PRKG1: variants seen among roughly 807,000 people sequenced by gnomAD.
PRKG1 encodes the protein protein kinase cGMP-dependent 1.
Under a neutral mutation model 88.1 loss-of-function variants are expected in PRKG1, and 35 were observed. The ratio of observed to expected loss-of-function variants is 0.40; its 90% CI spans 0.30 to 0.53. PRKG1 has a LOEUF of 0.53. Ranked by LOEUF, PRKG1 falls within the 20% of genes least tolerant of loss-of-function variation. PRKG1 has a pLI of 0.59. For synonymous variants in PRKG1, 303 were observed against 292.5 expected, an observed-to-expected ratio of 1.04 and a Z score of -0.37; for missense variants, 540 against 839.8, an observed-to-expected ratio of 0.64 and a Z score of 4.41.
In PRKG1 at chr10:50,991,265, C is replaced by G; in HGVS notation, c.-114C>G. On this transcript the variant is annotated 5_prime_UTR_variant, in exon 1 of 18. Transcript: ENST00000401604. The surrounding 1 kb of genome is among the most constrained non-coding windows in gnomAD (Gnocchi z 4.5). ...TCCGCCGCGCTCGAGTACTTAGCGC[C>G]CATTCACTCGCTCACCCGCGCTCTC... is the stretch of plus-strand genomic sequence containing the variant. 2 of 1,404,462 alleles carry G rather than the reference C, an allele frequency of 1.4e-6. No homozygotes were observed. The highest frequency in any genetic ancestry group is 1.9e-6 in the Non-Finnish European group (2 of 1,066,106). 87.0% of individuals were successfully genotyped at this position (1,404,462 alleles called of 1,614,324 possible).
intron 7 of PRKG1, among the ~76,000 whole-genome samples, chr10:52,111,744 G>T (rs539728275): frequency 6.6e-6 from 1 of 152,294 alleles, no homozygotes; most frequent in South Asian, 2.1e-4. Context: ...TTTGTGGAGG[G>T]TTGTTGGTAG....
intron 2 of PRKG1, among the ~76,000 whole-genome samples, chr10:51,289,834 A>G (rs1209092022): frequency 1.3e-5 from 2 of 152,136 alleles, no homozygotes; most frequent in Admixed American, 6.6e-5. Context: ...TTTGAGAAAC[A>G]CAAGTCTAGA....
intron 8 of PRKG1, 43 bp from the exon 9 acceptor site, chr10:52,161,846 T>A: frequency 6.4e-7 from 1 of 1,568,662 alleles, no homozygotes; most frequent in Non-Finnish European, 8.8e-7. Flanking sequence ...CCATTGCTAC[T>A]ATTTTGTAGA....
At chr10:51,063,788 TATA>T (rs1199047427) in intron 1 of PRKG1, among the ~76,000 whole-genome samples, 2 of 152,178 alleles carry the variant, frequency 1.3e-5, no homozygotes, top group Admixed American at 6.5e-5. Flanking sequence ...CTGTTATTTT[TATA>T]ATGATTGTGT....
At chr10:51,704,244 G>GATAGATAGATAGAT (rs1841548374) in intron 3 of PRKG1, among the ~76,000 whole-genome samples, 1 of 151,268 alleles carries the variant, frequency 6.6e-6, no homozygotes, top group African/African-American at 2.4e-5. Context: ...TAGACAGACA[G>GATAGATAGATAGAT]ACAGACAGAT....
intron 9 of PRKG1, among the ~76,000 whole-genome samples, chr10:52,197,898 C>A (rs1429860455): frequency 6.6e-6 from 1 of 152,108 alleles, no homozygotes; most frequent in African/African-American, 2.4e-5. Flanking sequence ...TTTAATATGC[C>A]TTTTCTGGTC....
intron 2 of PRKG1, among the ~76,000 whole-genome samples, chr10:51,437,142 G>A (rs1395233599): frequency 6.6e-6 from 1 of 151,984 alleles, no homozygotes; most frequent in Admixed American, 6.6e-5. Context: ...AACTAGGAGA[G>A]ATAATTTTTC....
chr10:51,370,047 T>C (rs1411595123), intron 2 of PRKG1, among the ~76,000 whole-genome samples: 1 of 152,054 alleles, frequency 6.6e-6, no homozygotes, highest in Non-Finnish European at 1.5e-5. Flanking sequence ...ATTTTGATGA[T>C]GAGATGAGTA....
intron 2 of PRKG1, among the ~76,000 whole-genome samples, chr10:51,356,657 C>T (rs1216606900): frequency 2.0e-5 from 3 of 151,982 alleles, no homozygotes; most frequent in Admixed American, 1.3e-4. Flanking sequence ...GTAGCCTCTT[C>T]TGTTGACATT....
intron 2 of PRKG1, among the ~76,000 whole-genome samples, chr10:51,221,440 C>G (rs1838527300): frequency 6.6e-6 from 1 of 152,004 alleles, no homozygotes; most frequent in Admixed American, 6.5e-5. Flanking sequence ...TTCTAAATCT[C>G]TCTTTGTATA....
chr10:51,395,525 G>A lies in PRKG1; in HGVS notation c.479-72198G>A, dbSNP rs542515553. Among the ~76,000 whole-genome samples, 1,033 of 152,214 alleles carry A rather than the reference G, an allele frequency of 6.8e-3. 12 individuals carry two copies. The highest frequency in any genetic ancestry group is 0.024 in the African/African-American group (990 of 41,516). ...TTATGCAAAGAGAGCTGTCTCTTTA[G>A]TAGGAACTCTGGATTGGCTCATTTT... On this transcript the variant is annotated intron_variant, in intron 2 of 17. Transcript: ENST00000373980.
intron 2 of PRKG1, among the ~76,000 whole-genome samples, chr10:51,154,072 A>G (rs1846144709): frequency 6.6e-6 from 1 of 152,000 alleles, no homozygotes; most frequent in Non-Finnish European, 1.5e-5. Context: ...AGATGGTGAC[A>G]CATGAAAACC....
At chr10:51,348,716 A>G (rs542725816) in intron 2 of PRKG1, among the ~76,000 whole-genome samples, 2 of 152,278 alleles carry the variant, frequency 1.3e-5, no homozygotes, top group African/African-American at 4.8e-5. Context: ...TCTTGCACTA[A>G]CATGTATCTA....
At chr10:51,200,719 T>C (rs1193673248) in intron 2 of PRKG1, among the ~76,000 whole-genome samples, 4 of 152,224 alleles carry the variant, frequency 2.6e-5, no homozygotes, top group Non-Finnish European at 4.4e-5. Flanking sequence ...TTTAACCATT[T>C]TTATTAGAGC....
intron 4 of PRKG1, among the ~76,000 whole-genome samples, chr10:51,839,164 T>C (rs1236101889): frequency 6.6e-6 from 1 of 151,734 alleles, no homozygotes; most frequent in Non-Finnish European, 1.5e-5. Context: ...TTTTAACAGT[T>C]GGTTGAGCAG....
intron 2 of PRKG1, among the ~76,000 whole-genome samples, chr10:51,226,715 T>C (rs541192633): frequency 1.8e-4 from 28 of 152,274 alleles, no homozygotes; most frequent in African/African-American, 5.8e-4. Context: ...AAATAAACTA[T>C]GGAGAATAAC....
intron 7 of PRKG1, among the ~76,000 whole-genome samples, chr10:52,088,019 A>G (rs1419034371): frequency 6.6e-6 from 1 of 152,102 alleles, no homozygotes; most frequent in African/African-American, 2.4e-5. Flanking sequence ...GGTAATTCTC[A>G]AGTGCATCCC....
rs558468845 is a variant in PRKG1 at position 51,858,955 on chromosome 10, C to T, written c.699-48552C>T. On this transcript the variant is annotated intron_variant, in intron 4 of 17. Coordinates refer to ENST00000373980, the MANE Select transcript of PRKG1 (RefSeq NM_006258.4). ...ATTCCTTTGATTTTTCTCCTTGCTT[C>T]CCAAGGAGCTGATATCAATGGGTAT... 1.5e-3 allele frequency among the ~76,000 whole-genome samples: 235 copies of T among 152,148 alleles called. 1 individual carries two copies. Among genetic ancestry groups the T allele is most frequent in the Admixed American group, 6.7e-3 (103 of 15,260 alleles).
intron 2 of PRKG1, among the ~76,000 whole-genome samples, chr10:51,212,605 C>T (rs1016536821): frequency 9.9e-5 from 15 of 152,020 alleles, no homozygotes; most frequent in Admixed American, 7.9e-4. Flanking sequence ...ACAATGAACC[C>T]CAACAAATTT....
Sources: gnomAD v4.1 joint callset for allele counts (sites outside exome capture counted in the v4.1 genomes callset) on GRCh38, gnomAD v4.1.1 for gene constraint, Gnocchi (gnomAD v3.1) non-coding constraint, MANE v1.5 for transcripts, NCBI Gene and HGNC (gene_info 2026-07-23, HGNC 2026-07-21) for gene names.